The following PCCA variants were observed in gnomAD, a reference collection of about 807,000 sequenced individuals.
PCCA encodes propionyl-CoA carboxylase subunit alpha.
PCCA carries 74 observed loss-of-function variants against 101.3 expected under a neutral mutation model. The observed-to-expected ratio is 0.73, with a 90% CI of 0.61 to 0.89. The LOEUF (loss-of-function observed/expected upper bound fraction) is 0.89. Among genes scored for constraint, PCCA ranks in the 40% least tolerant of loss-of-function variants. PCCA has a pLI of 0.00. For synonymous variants in PCCA, 294 were observed against 313.6 expected (o/e 0.94, Z 0.66); for missense variants, 891 against 907.0 (o/e 0.98, Z 0.23).
At chr13:100,474,345 A>G in intron 21 of PCCA, among the ~76,000 whole-genome samples, 1 of 152,136 alleles carries the variant, frequency 6.6e-6, no homozygotes, top group African/African-American at 2.4e-5. Context: ...TGCTTACTAC[A>G]CATTTTATGT....
intron 21 of PCCA, among the ~76,000 whole-genome samples, chr13:100,482,434 G>A (rs1043302466): frequency 6.6e-6 from 1 of 152,190 alleles, no homozygotes; most frequent in Non-Finnish European, 1.5e-5. Context: ...GGGCTCCAGT[G>A]AAATGCCTGA....
chr13:100,209,742 C>A lies in PCCA; in HGVS notation c.600+279C>A, dbSNP rs2059095345. 2.0e-5 allele frequency among the ~76,000 whole-genome samples: 3 copies of A among 151,442 alleles called. No homozygotes were observed. The South Asian group carries it at 6.2e-4, about 32-fold the overall frequency. ...TGCCTCCTGGGTTCAAGCGATTCTC[C>A]TGCCTCAGCCTCCCGAGTAGCTGGG... is the stretch of plus-strand genomic sequence containing the variant. On this transcript the variant is annotated intron_variant, in intron 7 of 23. Transcript: ENST00000376285.
chr13:100,434,681 T>C (rs921863916), intron 20 of PCCA, among the ~76,000 whole-genome samples: 1 of 152,240 alleles, frequency 6.6e-6, no homozygotes, highest in Non-Finnish European at 1.5e-5. Flanking sequence ...TCCCTCATAA[T>C]GACCCCGCCT....
At chr13:100,498,417 C>G (rs923496772) in intron 21 of PCCA, among the ~76,000 whole-genome samples, 1 of 151,934 alleles carries the variant, frequency 6.6e-6, no homozygotes, top group African/African-American at 2.4e-5. Context: ...GGAAACACGC[C>G]CGTATTAGTG....
At chr13:100,231,912 G>A (rs1305417165) in intron 7 of PCCA, among the ~76,000 whole-genome samples, 2 of 152,132 alleles carry the variant, frequency 1.3e-5, no homozygotes, top group Admixed American at 6.5e-5. Flanking sequence ...TTCTGTAGCT[G>A]TCTAATGCTT....
intron 16 of PCCA, among the ~76,000 whole-genome samples, chr13:100,314,103 CGTT>C (rs1003514207): frequency 6.6e-6 from 1 of 151,972 alleles, no homozygotes; most frequent in Non-Finnish European, 1.5e-5. Context: ...AAAGTGTTAA[CGTT>C]GGTTCACTAA....
At chr13:100,130,128 A>C (rs1253039824) in intron 4 of PCCA, among the ~76,000 whole-genome samples, 1 of 152,184 alleles carries the variant, frequency 6.6e-6, no homozygotes, top group Non-Finnish European at 1.5e-5. Flanking sequence ...TTTTTGCTCA[A>C]TTTCAAGCAT....
In PCCA at chr13:100,112,009, A is replaced by G. The variant is rs777393610; in HGVS notation, c.248A>G (p.Lys83Arg). ...TTAAAATAGGTTATTAGAACTTGCA[A>G]GAAGATGGGCATTAAGACAGTTGCC... Reference protein sequence around the residue: ...EIACRVIRTCKKMGIKTVAIH... With the variant: ...EIACRVIRTCRKMGIKTVAIH... The change falls in exon 4 of 24, where the codon AAG becomes AGG. Residue 83 changes from lysine (K) to arginine (R), a missense_variant. Transcript: ENST00000376285. The G allele has an allele frequency of 6.2e-7, 1 of 1,609,220 alleles. No individual in the cohort carries two copies. The highest frequency in any genetic ancestry group is 1.7e-5 in the Admixed American group (1 of 60,018).
At chr13:100,201,721 G>A (rs751188453) in intron 6 of PCCA, among the ~76,000 whole-genome samples, 1 of 151,894 alleles carries the variant, frequency 6.6e-6, no homozygotes, top group African/African-American at 2.4e-5. Flanking sequence ...GCTGGGCGTG[G>A]TGGTGCATGC....
chr13:100,384,245 C>T (rs1282803966), intron 19 of PCCA, among the ~76,000 whole-genome samples: 3 of 152,182 alleles, frequency 2.0e-5, no homozygotes, highest in Non-Finnish European at 4.4e-5. Flanking sequence ...AGGCTGATCT[C>T]GAACTCCTCA....
At chr13:100,132,763 T>A (rs1282253081) in intron 4 of PCCA, among the ~76,000 whole-genome samples, 2 of 152,134 alleles carry the variant, frequency 1.3e-5, no homozygotes, top group African/African-American at 2.4e-5. Flanking sequence ...TTCATCCACT[T>A]CAGCAGTCTT....
chr13:100,451,670 T>C (rs1384978380), intron 21 of PCCA, among the ~76,000 whole-genome samples: 8 of 151,634 alleles, frequency 5.3e-5, no homozygotes. Flanking sequence ...CCTTGATTAC[T>C]TTCTCTCCTC....
At chr13:100,393,371 G>C (rs2076897772) in intron 19 of PCCA, among the ~76,000 whole-genome samples, 1 of 147,842 alleles carries the variant, frequency 6.8e-6, no homozygotes, top group Non-Finnish European at 1.5e-5. Context: ...AGTTTTTAAA[G>C]TTTTCAGCAG....
At chr13:100,517,047 G>A (rs577801242) in intron 22 of PCCA, among the ~76,000 whole-genome samples, 26 of 4,618 alleles carry the variant, frequency 5.6e-3, no homozygotes, top group African/African-American at 0.02. Context: ...TTATAAAATC[G>A]TGTGTGTGTG....
chr13:100,481,582 C>T (rs754199708), intron 21 of PCCA, among the ~76,000 whole-genome samples: 1 of 152,030 alleles, frequency 6.6e-6, no homozygotes, highest in Non-Finnish European at 1.5e-5. Flanking sequence ...AACCTAAGCA[C>T]TGAGACCCCC....
chr13:100,157,420 G>T, intron 6 of PCCA, 80 bp downstream of exon 6: 1 of 927,704 alleles, frequency 1.1e-6, no homozygotes, highest in Non-Finnish European at 1.8e-6. Context: ...AATGTGGGTA[G>T]TGATGGATTA....
At chr13:100,256,295 G>A (rs897632042) in intron 8 of PCCA, among the ~76,000 whole-genome samples, 3 of 152,126 alleles carry the variant, frequency 2.0e-5, no homozygotes, top group African/African-American at 7.2e-5. Flanking sequence ...ATGAGCCACT[G>A]TGCCCAGCCT....
At chr13:100,246,623 A>C (rs768570364) in intron 8 of PCCA, among the ~76,000 whole-genome samples, 10 of 151,908 alleles carry the variant, frequency 6.6e-5, no homozygotes, top group Non-Finnish European at 1.3e-4. Context: ...CCACCATGCC[A>C]AGCCTAGTGA....
intron 12 of PCCA, chr13:100,293,181 T>C: frequency 2.1e-6 from 1 of 470,390 alleles, no homozygotes; most frequent in South Asian, 1.6e-5. Flanking sequence ...TGTCCCACTT[T>C]TGTTAGACTT....
Sources: gnomAD v4.1 joint callset for allele counts (sites outside exome capture counted in the v4.1 genomes callset) on GRCh38, gnomAD v4.1.1 for gene constraint, MANE v1.5 for transcripts, NCBI Gene and HGNC (gene_info 2026-07-23, HGNC 2026-07-21) for gene names.